FGD5: variants seen among roughly 807,000 people sequenced by gnomAD.
The protein encoded by FGD5 is FYVE, RhoGEF and PH domain containing 5, also known as FYVE, RhoGEF and PH domain-containing protein 5.
A neutral mutation model predicts 133.4 loss-of-function variants in FGD5; 28 were observed. The ratio of observed to expected loss-of-function variants is 0.21; its 90% CI spans 0.16 to 0.29. The LOEUF is 0.29. Among genes scored for constraint, FGD5 ranks in the 10% least tolerant of loss-of-function variants. The pLI, the probability that FGD5 is intolerant of heterozygous loss-of-function variation, is 1.00. For missense variants in FGD5, 1,858 were observed against 1,895.2 expected (o/e 0.98, Z 0.36); for synonymous variants, 810 against 776.5 (o/e 1.04, Z -0.72).
intron 9 of FGD5, among the ~76,000 whole-genome samples, chr3:14,902,528 CTG>C (rs1397862921): frequency 1.3e-5 from 2 of 152,084 alleles, no homozygotes; most frequent in Admixed American, 6.5e-5. Context: ...GAAGGGTAGA[CTG>C]AGAGTGGAGG....
chr3:14,883,023 G>A (rs1026301061), intron 4 of FGD5, among the ~76,000 whole-genome samples: 5 of 152,158 alleles, frequency 3.3e-5, no homozygotes, highest in African/African-American at 1.2e-4. Flanking sequence ...TCCCCAGCAG[G>A]AAGGGTCCTG....
Position 14,932,347 on chromosome 3 carries a change from T to C in FGD5, c.4198-230T>C, listed in dbSNP as rs2038913287. Reference sequence around the variant, plus strand: ...ATCCACCCGCCTCAGCCTCCCAAAGTACTGGGATTACAGGCGTGAGCCACC... The same window carrying C: ...ATCCACCCGCCTCAGCCTCCCAAAGCACTGGGATTACAGGCGTGAGCCACC... On this transcript the variant is annotated intron_variant, in intron 18 of 19. Transcript: ENST00000285046. 9.0e-6 allele frequency: 4 copies of C among 443,806 alleles called. No homozygotes were observed. In the South Asian group the frequency reaches 1.5e-4, roughly 17 times the overall value. The allele number at this position is 443,806 out of a possible 1,614,324, so 27.5% of individuals were successfully genotyped here.
intron 4 of FGD5, among the ~76,000 whole-genome samples, chr3:14,886,674 G>A (rs934322919): frequency 6.6e-6 from 1 of 152,168 alleles, no homozygotes; most frequent in Non-Finnish European, 1.5e-5. Flanking sequence ...TTCCCTGTTT[G>A]AAATTACCTA....
At chr3:14,825,146 A>G (rs1336167417) in intron 1 of FGD5, among the ~76,000 whole-genome samples, 1 of 152,202 alleles carries the variant, frequency 6.6e-6, no homozygotes, top group Non-Finnish European at 1.5e-5. Context: ...GGTCTAATGG[A>G]TGATTGTAAA....
chr3:14,891,565 G>A (rs1352880057), intron 4 of FGD5, among the ~76,000 whole-genome samples: 1 of 152,184 alleles, frequency 6.6e-6, no homozygotes, highest in African/African-American at 2.4e-5. Flanking sequence ...CTTGAATTGT[G>A]CTGGACTGGG....
At chr3:14,928,838 A>G (rs141676258) in intron 18 of FGD5, among the ~76,000 whole-genome samples, 2 of 152,302 alleles carry the variant, frequency 1.3e-5, no homozygotes, top group African/African-American at 4.8e-5. Context: ...TCAAGTACCT[A>G]TCTATTCATC....
In FGD5 at chr3:14,821,442, C is replaced by T. The variant is rs779724014; in HGVS notation, c.2371C>T (p.Pro791Ser). Residue 791 changes from proline to serine, a missense_variant, in exon 1 of 20, where the codon CCC becomes TCC. Physicochemically the swap from Pro to Ser is moderately conservative, Grantham distance 74 (BLOSUM62 -1). This residue lies in a region of FGD5 where 1,824 missense variants were observed against 1,848.9 expected (regional missense o/e 0.99). Transcript: ENST00000285046. ...GGACTATGAGAATATCCAGATTCCA[C>T]CCCGGAGACCTGCCAGGGCTGGCGC... ...NSDYENIQIP[P>S]RRPARAGAFT... The T allele has an allele frequency of 6.2e-7, 1 of 1,613,996 alleles. No homozygotes were observed. Among genetic ancestry groups the T allele is most frequent in the Non-Finnish European group, 8.5e-7 (1 of 1,179,906 alleles).
At chr3:14,920,698 G>A (rs1272430741) in intron 13 of FGD5, among the ~76,000 whole-genome samples, 8 of 152,198 alleles carry the variant, frequency 5.3e-5, no homozygotes, top group South Asian at 2.1e-4. Flanking sequence ...CCCAGACGCC[G>A]CCGTGATCCT....
At chr3:14,875,291 C>T (rs1041564400) in intron 2 of FGD5, among the ~76,000 whole-genome samples, 1 of 151,746 alleles carries the variant, frequency 6.6e-6, no homozygotes, top group African/African-American at 2.4e-5. Context: ...TGGAAGGTGG[C>T]CCCTTCCTTG....
chr3:14,858,096 A>G (rs1010562779), intron 1 of FGD5, among the ~76,000 whole-genome samples: 1 of 152,218 alleles, frequency 6.6e-6, no homozygotes, highest in East Asian at 1.9e-4. Flanking sequence ...TGAAGAGGAT[A>G]GGCTCAGAAG....
chr3:14,867,930 T>G (rs1355040078), intron 2 of FGD5, among the ~76,000 whole-genome samples: 1 of 151,484 alleles, frequency 6.6e-6, no homozygotes, highest in Non-Finnish European at 1.5e-5. Flanking sequence ...TTTTTGGGGG[T>G]GCAGTGGTGA....
intron 1 of FGD5, among the ~76,000 whole-genome samples, chr3:14,844,600 G>A (rs990731063): frequency 1.3e-5 from 2 of 151,906 alleles, no homozygotes; most frequent in Non-Finnish European, 2.9e-5. Context: ...GGTAGGTTGC[G>A]GTGCTGAATA....
upstream of FGD5, among the ~76,000 whole-genome samples, chr3:14,817,536 AT>A (rs1422374113): frequency 6.6e-6 from 1 of 152,224 alleles, no homozygotes; most frequent in African/African-American, 2.4e-5. Flanking sequence ...ATAATTTAAA[AT>A]TGCCTATGTA....
intron 1 of FGD5, among the ~76,000 whole-genome samples, chr3:14,839,132 G>A (rs1183052950): frequency 6.6e-6 from 1 of 151,764 alleles, no homozygotes; most frequent in East Asian, 1.9e-4. Flanking sequence ...AGCACCTCCT[G>A]TCTGTTTCTC....
chr3:14,841,932 C>T (rs2036929168), intron 1 of FGD5, among the ~76,000 whole-genome samples: 1 of 152,208 alleles, frequency 6.6e-6, no homozygotes, highest in African/African-American at 2.4e-5. Context: ...CAGGCAGTTG[C>T]CGAGATCCAG....
intron 2 of FGD5, among the ~76,000 whole-genome samples, chr3:14,865,658 A>G (rs1559485367): frequency 1.3e-5 from 2 of 152,324 alleles, no homozygotes; most frequent in Admixed American, 1.3e-4. Context: ...CCTTACAACA[A>G]CTTCAAAGTT....
chr3:14,813,220 G>A (rs1388993167), intron 1 of FGD5, among the ~76,000 whole-genome samples: 1 of 152,170 alleles, frequency 6.6e-6, no homozygotes. Flanking sequence ...TTACCAAAAA[G>A]GAAACTGAGG....
chr3:14,925,126 A>AAAC (rs1553632483), intron 17 of FGD5, among the ~76,000 whole-genome samples: 2,931 of 127,528 alleles, frequency 0.023, 416 homozygotes, highest in Middle Eastern at 0.066. Flanking sequence ...AAAAAAAAAA[A>AAAC]AACACATACA....
At chr3:14,890,962 C>G (rs184112145) in intron 4 of FGD5, among the ~76,000 whole-genome samples, 121 of 152,288 alleles carry the variant, frequency 7.9e-4, no homozygotes, top group Non-Finnish European at 1.3e-3. Flanking sequence ...GAGACTCAGA[C>G]AGGTGACAGC....
Sources: allele counts gnomAD v4.1 joint callset (sites outside exome capture counted in the v4.1 genomes callset), GRCh38; gene constraint gnomAD v4.1.1; regional missense constraint gnomAD v4.1.1; transcripts MANE v1.5; gene names NCBI Gene and HGNC (gene_info 2026-07-23, HGNC 2026-07-21).